The following RBFOX1 variants were observed in gnomAD, a reference collection of about 807,000 sequenced individuals.
RBFOX1 encodes RNA binding fox-1 homolog 1.
In RBFOX1, 8 loss-of-function variants were observed where a neutral mutation model predicts 57.7. The ratio of observed to expected loss-of-function variants is 0.14; its 90% confidence interval spans 0.08 to 0.25. RBFOX1 has a LOEUF of 0.25. RBFOX1 is among the 10% of genes least tolerant of loss of function. The pLI, the probability that RBFOX1 is intolerant of heterozygous loss-of-function variation, is 1.00. For synonymous variants in RBFOX1, 326 were observed against 222.4 expected, an observed-to-expected ratio of 1.47 and a Z score of -4.15; for missense variants, 611 against 548.5, an observed-to-expected ratio of 1.11 and a Z score of -1.14.
At chr16:5,406,897 C>G (rs1165680353) in intron 1 of RBFOX1, among the ~76,000 whole-genome samples, 5 of 152,096 alleles carry the variant, frequency 3.3e-5, no homozygotes, top group Non-Finnish European at 7.4e-5. Flanking sequence ...CTGGTGACAG[C>G]AGTGTGTGTG....
Position 7,362,359 on chromosome 16 carries a change from G to A in RBFOX1, c.28-155788G>A, listed in dbSNP as rs555785293. On this transcript the variant is annotated intron_variant, in intron 4 of 15. Coordinates refer to ENST00000550418, the MANE Select transcript of RBFOX1 (RefSeq NM_018723.4). Reference sequence around the variant, plus strand: ...TATGTTAGTGTATGTGTGTTTGTGTGTATGCTAGTGTGTGTGTATGTGTTA... The same window carrying A: ...TATGTTAGTGTATGTGTGTTTGTGTATATGCTAGTGTGTGTGTATGTGTTA... Among the ~76,000 whole-genome samples the A allele has an allele frequency of 2.1e-3, 320 of 151,654 alleles. 2 individuals are homozygous for A. The highest frequency in any genetic ancestry group is 0.018 in the South Asian group (84 of 4,800).
intron 10 of RBFOX1, among the ~76,000 whole-genome samples, chr16:7,627,295 C>T (rs1046092601): frequency 6.6e-6 from 1 of 151,498 alleles, no homozygotes; most frequent in African/African-American, 2.4e-5. Context: ...GGAATCATTG[C>T]CTACTGGCTG....
chr16:5,665,652 T>C, intron 3 of RBFOX1, among the ~76,000 whole-genome samples: 1 of 152,160 alleles, frequency 6.6e-6, no homozygotes, highest in East Asian at 1.9e-4. Flanking sequence ...TCAGTTAGTA[T>C]TTAGTGGATG....
At chr16:7,445,834 C>G (rs924134319) in intron 4 of RBFOX1, among the ~76,000 whole-genome samples, 1 of 152,134 alleles carries the variant, frequency 6.6e-6, no homozygotes, top group Non-Finnish European at 1.5e-5. Context: ...ACCTTTATCT[C>G]AATATTTGCT....
At chr16:7,558,731 G>C (rs1481430183) in intron 5 of RBFOX1, among the ~76,000 whole-genome samples, 1 of 152,120 alleles carries the variant, frequency 6.6e-6, no homozygotes, top group African/African-American at 2.4e-5. Flanking sequence ...GAAAAGGCTG[G>C]AGCCCTGGAA....
chr16:6,388,931 G>A (rs927123266), intron 2 of RBFOX1, among the ~76,000 whole-genome samples: 3 of 152,212 alleles, frequency 2.0e-5, no homozygotes, highest in Admixed American at 1.3e-4. Context: ...GCTGACAGGT[G>A]GAGATGGAGA....
intron 3 of RBFOX1, among the ~76,000 whole-genome samples, chr16:6,714,820 C>T (rs1451070149): frequency 6.6e-6 from 1 of 152,098 alleles, no homozygotes; most frequent in Non-Finnish European, 1.5e-5. Flanking sequence ...TTTGAACCAC[C>T]TGTGCTACAT....
chr16:5,979,669 C>G (rs1326314474), intron 4 of RBFOX1, among the ~76,000 whole-genome samples: 1 of 152,274 alleles, frequency 6.6e-6, no homozygotes, highest in East Asian at 1.9e-4. Flanking sequence ...CAAGACCATC[C>G]TGGTCAACAT....
chr16:7,130,504 A>G (rs2069999526), intron 4 of RBFOX1, among the ~76,000 whole-genome samples: 1 of 152,150 alleles, frequency 6.6e-6, no homozygotes, highest in Non-Finnish European at 1.5e-5. Flanking sequence ...TCTAATGCCT[A>G]ACACAGAGCC....
chr16:6,060,639 G>T (rs1205842035), intron 1 of RBFOX1, among the ~76,000 whole-genome samples: 1 of 152,124 alleles, frequency 6.6e-6, no homozygotes, highest in Non-Finnish European at 1.5e-5. Flanking sequence ...AAGCAACACA[G>T]AATCCTTTGG....
rs144017719 is a variant in RBFOX1, at chr16:6,505,422, C to A, written c.-63-149181C>A. Among the ~76,000 whole-genome samples, 268 of 152,294 alleles carry A rather than the reference C, an allele frequency of 1.8e-3. 2 individuals carry two copies. Among genetic ancestry groups the A allele is most frequent in the African/African-American group, 6.2e-3 (258 of 41,560 alleles). On this transcript the variant is annotated intron_variant, in intron 2 of 15. Transcript: ENST00000550418. Reference sequence around the variant, plus strand: ...CAGGAGAATATTTGGAAACAAAATGCTCCCATTACATCCAGGAGGAATGTG... The same window carrying A: ...CAGGAGAATATTTGGAAACAAAATGATCCCATTACATCCAGGAGGAATGTG...
intron 2 of RBFOX1, among the ~76,000 whole-genome samples, chr16:5,529,828 A>C (rs1279650420): frequency 6.6e-6 from 1 of 152,074 alleles, no homozygotes; most frequent in African/African-American, 2.4e-5. Flanking sequence ...TCAGATTCCC[A>C]AAGTGCTGGA....
chr16:7,096,320 C>T (rs2061687227), intron 4 of RBFOX1, among the ~76,000 whole-genome samples: 1 of 152,136 alleles, frequency 6.6e-6, no homozygotes, highest in Non-Finnish European at 1.5e-5. Context: ...CAGTCAGAAC[C>T]AGGTGGATGC....
chr16:6,892,060 A>C (rs1383613543), intron 3 of RBFOX1, among the ~76,000 whole-genome samples: 1 of 152,198 alleles, frequency 6.6e-6, no homozygotes, highest in Non-Finnish European at 1.5e-5. Context: ...TGAAGTTGCC[A>C]GGTGGATGAC....
At chr16:7,264,163 C>T (rs2095039683) in intron 4 of RBFOX1, among the ~76,000 whole-genome samples, 2 of 152,106 alleles carry the variant, frequency 1.3e-5, no homozygotes, top group South Asian at 2.1e-4. Flanking sequence ...ATGTGCTAGG[C>T]TCCTGGACTC....
chr16:7,429,122 A>G (rs2098653450), intron 4 of RBFOX1, among the ~76,000 whole-genome samples: 1 of 152,200 alleles, frequency 6.6e-6, no homozygotes, highest in African/African-American at 2.4e-5. Flanking sequence ...ATCGAGCGGC[A>G]TAAGGCTTTT....
At chr16:7,268,700 A>G (rs2095240513) in intron 4 of RBFOX1, among the ~76,000 whole-genome samples, 1 of 152,026 alleles carries the variant, frequency 6.6e-6, no homozygotes, top group South Asian at 2.1e-4. Flanking sequence ...TTAGTACTAG[A>G]GCCTCCTTGG....
chr16:7,006,027 C>G (rs1446727431), intron 3 of RBFOX1, among the ~76,000 whole-genome samples: 1 of 152,180 alleles, frequency 6.6e-6, no homozygotes. Flanking sequence ...TACTGAGATA[C>G]TCCGTGGTTC....
intron 2 of RBFOX1, among the ~76,000 whole-genome samples, chr16:6,345,582 C>A (rs1227504267): frequency 1.3e-5 from 2 of 152,132 alleles, no homozygotes; most frequent in Admixed American, 1.3e-4. Flanking sequence ...ACCTCACTTC[C>A]ATCATCCTTT....
Sources: allele counts gnomAD v4.1 joint callset (sites outside exome capture counted in the v4.1 genomes callset), GRCh38; gene constraint gnomAD v4.1.1; transcripts MANE v1.5; gene names NCBI Gene and HGNC (gene_info 2026-07-23, HGNC 2026-07-21).